LRP6: variants seen among roughly 807,000 people sequenced by gnomAD.
LRP6 encodes LDL receptor related protein 6, also known as low-density lipoprotein receptor-related protein 6.
Under a neutral mutation model 184.1 loss-of-function variants are expected in LRP6, and 43 were observed. The ratio of observed to expected loss-of-function variants is 0.23; its 90% confidence interval spans 0.18 to 0.30. The LOEUF is 0.30. Among genes scored for constraint, LRP6 ranks in the 10% least tolerant of loss-of-function variants. The pLI is 1.00. For missense variants in LRP6, 1,571 were observed against 2,005.3 expected (o/e 0.78, Z 4.14); for synonymous variants, 719 against 684.9 (o/e 1.05, Z -0.78).
At chr12:12,147,027 C>T (rs1950018685) in intron 15 of LRP6, among the ~76,000 whole-genome samples, 1 of 152,092 alleles carries the variant, frequency 6.6e-6, no homozygotes, top group South Asian at 2.1e-4. Flanking sequence ...TGGCAGGTGC[C>T]TGTAGTCCCA....
chr12:12,264,541 CCAGACT>C (rs777367746), intron 1 of LRP6, among the ~76,000 whole-genome samples: 8 of 152,132 alleles, frequency 5.3e-5, no homozygotes, highest in Non-Finnish European at 8.8e-5. Flanking sequence ...AGAAGGTCTC[CCAGACT>C]CTCACATACC....
At chr12:12,253,064 G>A (rs2135933325) in intron 1 of LRP6, among the ~76,000 whole-genome samples, 1 of 152,290 alleles carries the variant, frequency 6.6e-6, no homozygotes. Flanking sequence ...AGGAGTTTGA[G>A]ACCAGCCTGG....
chr12:12,253,569 C>T (rs2135934190), intron 1 of LRP6, among the ~76,000 whole-genome samples: 1 of 122,972 alleles, frequency 8.1e-6, no homozygotes, highest in South Asian at 3.4e-4. Context: ...TGCTACCCCT[C>T]CCCCCTCCCC....
chr12:12,241,544 T>C (rs1394273357), intron 2 of LRP6, among the ~76,000 whole-genome samples: 1 of 152,160 alleles, frequency 6.6e-6, no homozygotes, highest in Admixed American at 6.5e-5. Context: ...TCCAGTTGAG[T>C]CGTTTTTAAA....
At chr12:12,246,089 G>A (rs543980597) in intron 1 of LRP6, among the ~76,000 whole-genome samples, 38 of 135,556 alleles carry the variant, frequency 2.8e-4, no homozygotes, top group African/African-American at 1.1e-3. Flanking sequence ...TGCAGCCTCC[G>A]CCTCCCAGGT....
In LRP6 at chr12:12,266,748, C is replaced by T; in HGVS notation, c.-13G>A. ...GGACGGCCCCCATCTTCCCTTCTCGCGTTCTCTTCTCTCACCGGCGAGGGG... is the reference window on the plus strand; with the variant it reads ...GGACGGCCCCCATCTTCCCTTCTCGTGTTCTCTTCTCTCACCGGCGAGGGG... On this transcript the variant is annotated 5_prime_UTR_variant, in exon 1 of 23. Transcript: ENST00000261349. 6.2e-7 allele frequency: 1 copy of T among 1,611,822 alleles called. No homozygotes were observed. The highest frequency in any genetic ancestry group is 2.2e-5 in the East Asian group (1 of 44,772).
chr12:12,164,867 T>A (rs955754379), intron 8 of LRP6, among the ~76,000 whole-genome samples: 2 of 129,326 alleles, frequency 1.5e-5, no homozygotes, highest in African/African-American at 5.6e-5. Context: ...GCCCTTCAAT[T>A]CAAACTGGGT....
At chr12:12,248,820 T>C (rs1440039004) in intron 1 of LRP6, among the ~76,000 whole-genome samples, 1 of 152,176 alleles carries the variant, frequency 6.6e-6, no homozygotes, top group Non-Finnish European at 1.5e-5. Flanking sequence ...CAGTCAATGC[T>C]GTTGACTATA....
At chr12:12,235,623 G>A (rs370210293) in intron 2 of LRP6, among the ~76,000 whole-genome samples, 151 of 152,088 alleles carry the variant, frequency 9.9e-4, no homozygotes, top group African/African-American at 3.4e-3. Flanking sequence ...CCAGCTACTC[G>A]GGAGGCTGAA....
chr12:12,147,968 T>C (rs1227479693), intron 14 of LRP6, among the ~76,000 whole-genome samples: 1 of 150,986 alleles, frequency 6.6e-6, no homozygotes, highest in Admixed American at 6.6e-5. Flanking sequence ...GAGCCAAACC[T>C]TGTATCCAAA....
intron 1 of LRP6, chr12:12,249,473 A>T (rs1038129060): frequency 4.4e-6 from 3 of 680,056 alleles, no homozygotes; most frequent in Admixed American, 2.3e-5. Context: ...CAATTAATCG[A>T]AAAGAAAAAC....
At chr12:12,220,515 C>T (rs1202268951) in intron 2 of LRP6, among the ~76,000 whole-genome samples, 1 of 152,070 alleles carries the variant, frequency 6.6e-6, no homozygotes, top group African/African-American at 2.4e-5. Flanking sequence ...GCCCAATATC[C>T]TCTTTAATCA....
chr12:12,187,808 G>A (rs757128502), intron 3 of LRP6, among the ~76,000 whole-genome samples: 3 of 152,140 alleles, frequency 2.0e-5, no homozygotes, highest in African/African-American at 4.8e-5. Context: ...AGACAAAGCA[G>A]ATCCAAAATT....
chr12:12,185,129 C>T (rs963976734), intron 4 of LRP6, among the ~76,000 whole-genome samples: 5 of 151,844 alleles, frequency 3.3e-5, no homozygotes, highest in African/African-American at 1.2e-4. Context: ...TGAGACCCTA[C>T]CTCTATAAAA....
At chr12:12,153,662 C>T (rs778847093) in intron 12 of LRP6, among the ~76,000 whole-genome samples, 1 of 152,152 alleles carries the variant, frequency 6.6e-6, no homozygotes, top group Non-Finnish European at 1.5e-5. Context: ...AAAGAATATG[C>T]CATTTTAAAA....
rs1862848323 is a variant in LRP6, at chr12:12,165,218, C to A, written c.1623G>T (p.Leu541Phe). The A allele has an allele frequency of 6.2e-7, 1 of 1,614,000 alleles. No individual in the cohort carries two copies. The highest frequency in any genetic ancestry group is 8.5e-7 in the Non-Finnish European group (1 of 1,180,002). The change falls in exon 8 of 23, where the codon TTG becomes TTT. Residue 541 changes from leucine (L) to phenylalanine (F), a missense_variant. Transcript: ENST00000261349. Reference sequence around the variant, plus strand: ...AGTCAGTCCAGTAAACATAGTCACCCAACAAAGTAAATCCAAATATGTGAG... The same window carrying A: ...AGTCAGTCCAGTAAACATAGTCACCAAACAAAGTAAATCCAAATATGTGAG... ...KIPHIFGFTL[L>F]GDYVYWTDWQ...
At chr12:12,218,987 C>G (rs994448622) in intron 2 of LRP6, among the ~76,000 whole-genome samples, 2 of 151,936 alleles carry the variant, frequency 1.3e-5, no homozygotes, top group African/African-American at 4.8e-5. Flanking sequence ...GCCTGTAATC[C>G]CAGCACTTTG....
chr12:12,244,196 G>T, intron 2 of LRP6, 66 bp downstream of exon 2: 1 of 1,479,020 alleles, frequency 6.8e-7, no homozygotes, highest in Non-Finnish European at 9.4e-7. Context: ...GGTCAGGGTG[G>T]TGTATGTCAG....
At chr12:12,152,828 C>T (rs1401234864) in intron 12 of LRP6, among the ~76,000 whole-genome samples, 5 of 152,180 alleles carry the variant, frequency 3.3e-5, no homozygotes, top group African/African-American at 9.7e-5. Flanking sequence ...GGTCTCTCAG[C>T]TTATTTTACA....
Sources: allele counts gnomAD v4.1 joint callset (sites outside exome capture counted in the v4.1 genomes callset), GRCh38; gene constraint gnomAD v4.1.1; transcripts MANE v1.5; gene names NCBI Gene and HGNC (gene_info 2026-07-23, HGNC 2026-07-21).